The following PDE4D variants were observed in gnomAD, a reference collection of about 807,000 sequenced individuals.
The protein encoded by PDE4D is phosphodiesterase 4D, also known as 3',5'-cyclic-AMP phosphodiesterase 4D.
Under a neutral mutation model 87.4 loss-of-function variants are expected in PDE4D, and 24 were observed. That is an observed-to-expected ratio of 0.27 (90% confidence interval 0.20 to 0.39). The LOEUF is 0.39. Ranked by LOEUF, PDE4D falls within the 10% of genes least tolerant of loss-of-function variation. The probability of loss-of-function intolerance (pLI) is 1.00; values close to 1 mark genes in which losing one functional copy is unlikely to be tolerated. For synonymous variants in PDE4D, 384 were observed against 383.2 expected, an observed-to-expected ratio of 1.00 and a Z score of -0.02; for missense variants, 714 against 1,041.0, an observed-to-expected ratio of 0.69 and a Z score of 4.32.
intron 1 of PDE4D, among the ~76,000 whole-genome samples, chr5:59,721,699 T>C (rs894379326): frequency 2.0e-5 from 3 of 152,178 alleles, no homozygotes; most frequent in African/African-American, 7.2e-5. Context: ...ACAATGAGAT[T>C]ATAATCAGTA....
intron 1 of PDE4D, among the ~76,000 whole-genome samples, chr5:59,813,787 G>T (rs150030207): frequency 1.5e-3 from 235 of 152,254 alleles, no homozygotes; most frequent in Middle Eastern, 3.4e-3. Flanking sequence ...CACTGTCTGG[G>T]CAGGATAATC....
At chr5:59,908,492 T>C (rs560422252) in intron 3 of PDE4D, among the ~76,000 whole-genome samples, 6 of 152,302 alleles carry the variant, frequency 3.9e-5, no homozygotes, top group African/African-American at 9.6e-5. Flanking sequence ...CTTTTCCTTA[T>C]ACCTTTTGTC....
intron 1 of PDE4D, among the ~76,000 whole-genome samples, chr5:59,476,090 T>G (rs1401987199): frequency 6.6e-6 from 1 of 152,048 alleles, no homozygotes; most frequent in Admixed American, 6.6e-5. Flanking sequence ...CCCACCAACC[T>G]ATTCTCCCTT....
chr5:60,460,283 T>C, intron 1 of PDE4D: 1 of 1,039,804 alleles, frequency 9.6e-7, no homozygotes, highest in Non-Finnish European at 1.5e-6. Flanking sequence ...TGAAATTCTT[T>C]GGATAGAAGT....
At chr5:59,748,176 G>C (rs550666174) in intron 1 of PDE4D, among the ~76,000 whole-genome samples, 1 of 152,290 alleles carries the variant, frequency 6.6e-6, no homozygotes, top group South Asian at 2.1e-4. Context: ...AGAAGAATAT[G>C]GCAGAGTAAT....
At chr5:59,833,275 G>A (rs1285435058) in intron 1 of PDE4D, among the ~76,000 whole-genome samples, 1 of 152,006 alleles carries the variant, frequency 6.6e-6, no homozygotes, top group Non-Finnish European at 1.5e-5. Flanking sequence ...GAAGATTCTG[G>A]AAAGGCAGTG....
intron 1 of PDE4D, among the ~76,000 whole-genome samples, chr5:59,844,067 T>C (rs1743463402): frequency 6.6e-6 from 1 of 152,122 alleles, no homozygotes; most frequent in South Asian, 2.1e-4. Context: ...ATCCCCTTGT[T>C]TGTACAGATC....
rs182739849 is a variant in PDE4D at position 59,344,597 on chromosome 5, C to T, written c.456-128629G>A. 1.8e-3 allele frequency among the ~76,000 whole-genome samples: 274 copies of T among 152,194 alleles called. 1 individual carries two copies. Among genetic ancestry groups the T allele is most frequent in the African/African-American group, 6.4e-3 (265 of 41,542 alleles). On this transcript the variant is annotated intron_variant, in intron 1 of 14. Transcript: ENST00000340635. ...AATTTTTTGTAGAAATGGGGTCTCA[C>T]TCTGTAGCACAGGCTGGTGTCAAAC...
intron 2 of PDE4D, among the ~76,000 whole-genome samples, chr5:60,151,851 C>T (rs1466599206): frequency 6.6e-6 from 1 of 152,164 alleles, no homozygotes; most frequent in Non-Finnish European, 1.5e-5. Flanking sequence ...AGCTTTTCAT[C>T]ACTGAGTATT....
intron 1 of PDE4D, among the ~76,000 whole-genome samples, chr5:59,792,215 G>C (rs1198417773): frequency 6.6e-6 from 1 of 152,062 alleles, no homozygotes; most frequent in Non-Finnish European, 1.5e-5. Flanking sequence ...GCAATAGGAT[G>C]GTAGGCATTA....
At chr5:59,779,695 G>A (rs1764416492) in intron 1 of PDE4D, among the ~76,000 whole-genome samples, 1 of 152,122 alleles carries the variant, frequency 6.6e-6, no homozygotes, top group Non-Finnish European at 1.5e-5. Flanking sequence ...CTGATGCATA[G>A]TATTCAATAG....
chr5:60,437,573 T>A (rs1293249001), intron 1 of PDE4D, among the ~76,000 whole-genome samples: 1 of 152,120 alleles, frequency 6.6e-6, no homozygotes, highest in Non-Finnish European at 1.5e-5. Flanking sequence ...CTGGTAGACT[T>A]TTCCACTGCA....
chr5:59,917,236 A>G (rs929800261), intron 3 of PDE4D, among the ~76,000 whole-genome samples: 2 of 152,136 alleles, frequency 1.3e-5, no homozygotes, highest in African/African-American at 2.4e-5. Flanking sequence ...ATACTAATGA[A>G]AACAAAGTCA....
intron 1 of PDE4D, among the ~76,000 whole-genome samples, chr5:60,332,963 G>A (rs1259702686): frequency 6.6e-6 from 1 of 152,176 alleles, no homozygotes; most frequent in Non-Finnish European, 1.5e-5. Context: ...TGACATCCAA[G>A]GGGCATATGC....
intron 1 of PDE4D, among the ~76,000 whole-genome samples, chr5:59,319,943 GA>G (rs1561949837): frequency 1.3e-5 from 2 of 152,158 alleles, no homozygotes; most frequent in Admixed American, 6.6e-5. Flanking sequence ...GACAAACACC[GA>G]AAAGTGAAAT....
chr5:59,065,373 A>G (rs1580611178), intron 5 of PDE4D, among the ~76,000 whole-genome samples: 1 of 152,262 alleles, frequency 6.6e-6, no homozygotes, highest in East Asian at 1.9e-4. Context: ...ACAAAGTTTT[A>G]GTCTTGCAAA....
At chr5:60,383,609 A>G (rs1001208833) in intron 1 of PDE4D, among the ~76,000 whole-genome samples, 1 of 152,216 alleles carries the variant, frequency 6.6e-6, no homozygotes, top group African/African-American at 2.4e-5. Flanking sequence ...AGAGAGGTGA[A>G]TGGACTTGTC....
intron 1 of PDE4D, among the ~76,000 whole-genome samples, chr5:59,597,693 G>C (rs295978): frequency 0.86 from 131,575 of 152,154 alleles, 56,942 homozygotes; most frequent in South Asian, 0.93. Flanking sequence ...ATATAAAAAT[G>C]TATTTAAACT....
At chr5:59,928,018 G>C (rs150080520) in intron 3 of PDE4D, among the ~76,000 whole-genome samples, 33 of 152,250 alleles carry the variant, frequency 2.2e-4, no homozygotes, top group Non-Finnish European at 4.4e-4. Flanking sequence ...CAGCAGATTT[G>C]AATCAGGGAC....
Sources: gnomAD v4.1 joint callset for allele counts (sites outside exome capture counted in the v4.1 genomes callset) on GRCh38, gnomAD v4.1.1 for gene constraint, MANE v1.5 for transcripts, NCBI Gene and HGNC (gene_info 2026-07-23, HGNC 2026-07-21) for gene names.